TXLNA: variants seen among roughly 807,000 people sequenced by gnomAD.
TXLNA encodes taxilin alpha, also known as alpha-taxilin.
TXLNA carries 9 observed loss-of-function variants against 61.4 expected under a neutral mutation model. The ratio of observed to expected loss-of-function variants is 0.15; its 90% CI spans 0.09 to 0.26. TXLNA has a LOEUF of 0.26. Among genes scored for constraint, TXLNA ranks in the 10% least tolerant of loss-of-function variants. The pLI, the probability that TXLNA is intolerant of heterozygous loss-of-function variation, is 1.00. For synonymous variants in TXLNA, 257 were observed against 267.7 expected (o/e 0.96, Z 0.39); for missense variants, 565 against 688.8 (o/e 0.82, Z 2.01).
intron 4 of TXLNA, among the ~76,000 whole-genome samples, chr1:32,187,751 G>C (rs1055233220): frequency 2.6e-5 from 4 of 152,146 alleles, no homozygotes; most frequent in Admixed American, 6.5e-5. Context: ...CCATTTCTCT[G>C]TCCCTACGGT....
rs1197298077 is a variant in TXLNA, at chr1:32,192,216, G to T, written c.964-95G>T. 1.3e-5 allele frequency: 20 copies of T among 1,542,410 alleles called. No individual in the cohort carries two copies. Among genetic ancestry groups the T allele is most frequent in the South Asian group, 3.6e-5 (3 of 82,998 alleles). On this transcript the variant is annotated intron_variant, in intron 6 of 10. Transcript: ENST00000373610. The surrounding 1 kb of genome is among the most constrained non-coding windows in gnomAD (Gnocchi z 4.2). ...GAGTCCATCATATCAGATTGAGATG[G>T]GGGGCTGGGCAAAGTGCCCTGGTCT... is the stretch of plus-strand genomic sequence containing the variant.
Position 32,195,083 on chromosome 1 carries a change from C to T in TXLNA, c.1529C>T (p.Ala510Val). The T allele has an allele frequency of 6.2e-7, 1 of 1,614,126 alleles. No homozygotes were observed. The highest frequency in any genetic ancestry group is 8.5e-7 in the Non-Finnish European group (1 of 1,180,002). Residue 510 changes from alanine to valine, a missense_variant, in exon 11 of 11, where the codon GCT (alanine) becomes GTT (valine). Physicochemically the swap from Ala to Val is moderately conservative, Grantham distance 64. Transcript: ENST00000373610. Reference sequence around the variant, plus strand: ...GAGAGGAGGCCAGAGGGGCCTGGGGCTCAAGCACCCAGCTCCCCCAGGGTC... The same window carrying T: ...GAGAGGAGGCCAGAGGGGCCTGGGGTTCAAGCACCCAGCTCCCCCAGGGTC... ...GPERRPEGPGAQAPSSPRVTE... is the reference protein window; with the variant it reads ...GPERRPEGPGVQAPSSPRVTE...
intron 9 of TXLNA, 59 bp from the exon 10 acceptor site, chr1:32,194,006 G>C: frequency 7.0e-7 from 1 of 1,429,474 alleles, no homozygotes; most frequent in Non-Finnish European, 9.7e-7. Flanking sequence ...CCACCTTGGA[G>C]ACACAGACCT....
In TXLNA at chr1:32,195,648, A is replaced by T; in HGVS notation, c.*453A>T. On this transcript the variant is annotated 3_prime_UTR_variant, in exon 11 of 11. Coordinates refer to ENST00000373610, the MANE Select transcript of TXLNA (RefSeq NM_175852.4). ...TCTTGTGAGCAGGGCTTGCTTGGTC[A>T]GCTCAGGCCCTCCTAGCTGCTCTGG... The T allele has an allele frequency of 2.3e-6, 1 of 442,664 alleles. No homozygotes were observed. 27.4% of individuals were successfully genotyped at this position (442,664 alleles called of 1,614,324 possible). A position where few individuals can be genotyped will look rare whatever the true frequency, so the allele number is the denominator to read the frequency against.
At chr1:32,189,102 G>A (rs1242890667) in intron 5 of TXLNA, among the ~76,000 whole-genome samples, 3 of 151,604 alleles carry the variant, frequency 2.0e-5, no homozygotes, top group Non-Finnish European at 4.4e-5. Context: ...TCATTATATG[G>A]ATATATTATA....
rs1156866823 is a variant in TXLNA at position 32,198,247 on chromosome 1, G to A, written c.*3052G>A. The A allele has an allele frequency of 6.6e-6, 1 of 152,270 alleles. No homozygotes were observed. The highest frequency in any genetic ancestry group is 2.4e-5 in the African/African-American group (1 of 41,470). The allele number at this position is 152,270 out of a possible 1,614,324, so 9.4% of individuals were successfully genotyped here. ...CAACAGCCAGGGACTTGATTTTGATGTATTTTAAACCACATTAAATAAAGA... is the reference window on the plus strand; with the variant it reads ...CAACAGCCAGGGACTTGATTTTGATATATTTTAAACCACATTAAATAAAGA... On this transcript the variant is annotated 3_prime_UTR_variant, in exon 11 of 11. Coordinates refer to ENST00000373610, the MANE Select transcript of TXLNA (RefSeq NM_175852.4).
At chr1:32,185,219 A>G (rs1642754969) in intron 4 of TXLNA, among the ~76,000 whole-genome samples, 1 of 152,126 alleles carries the variant, frequency 6.6e-6, no homozygotes, top group African/African-American at 2.4e-5. Context: ...TTCCATCACA[A>G]TAAATGCAAA....
rs1643037469 is a variant in TXLNA at position 32,196,886 on chromosome 1, C to T, written c.*1691C>T. On this transcript the variant is annotated 3_prime_UTR_variant, in exon 11 of 11. Coordinates refer to ENST00000373610, the MANE Select transcript of TXLNA (RefSeq NM_175852.4). ...ATGGCAAATGAATGGCACACCATTT[C>T]TCCTTCTCCTGCCCCAGGGCAGGTA... 6.6e-6 allele frequency: 1 copy of T among 152,236 alleles called. No homozygotes were observed. Among genetic ancestry groups the T allele is most frequent in the Non-Finnish European group, 1.5e-5 (1 of 68,046 alleles). The allele number at this position is 152,236 out of a possible 1,614,324, so 9.4% of individuals were successfully genotyped here.
At chr1:32,193,887 A>G (rs780907436) in intron 9 of TXLNA, among the ~76,000 whole-genome samples, 178 bp from the exon 10 acceptor site, 1 of 151,962 alleles carries the variant, frequency 6.6e-6, no homozygotes, top group Non-Finnish European at 1.5e-5. Flanking sequence ...GGTGGTGGAC[A>G]CCTCTGACTT....
intron 9 of TXLNA, 69 bp downstream of exon 9, chr1:32,193,369 C>A: frequency 2.4e-6 from 3 of 1,232,112 alleles, no homozygotes; most frequent in Non-Finnish European, 1.2e-6. Context: ...GTTGGGCCTG[C>A]CTTCAGGAAG....
intron 3 of TXLNA, among the ~76,000 whole-genome samples, chr1:32,183,115 C>A (rs1487104726): frequency 2.0e-5 from 3 of 151,710 alleles, no homozygotes; most frequent in Non-Finnish European, 4.4e-5. Flanking sequence ...TGGAAAGTAT[C>A]ATCTTCTTCA....
At chr1:32,187,187 C>G (rs563826970) in intron 4 of TXLNA, among the ~76,000 whole-genome samples, 1 of 152,208 alleles carries the variant, frequency 6.6e-6, no homozygotes, top group Non-Finnish European at 1.5e-5. Flanking sequence ...CAGGCATGAG[C>G]CACCACTCCC....
chr1:32,190,551 A>G (rs1248323238), intron 6 of TXLNA, among the ~76,000 whole-genome samples: 1 of 152,214 alleles, frequency 6.6e-6, no homozygotes, highest in Non-Finnish European at 1.5e-5. Flanking sequence ...TGTGTGTTAT[A>G]TAGCACCCTC....
intron 3 of TXLNA, among the ~76,000 whole-genome samples, chr1:32,182,661 C>CAA (rs781479181): frequency 1.1e-4 from 10 of 88,456 alleles, no homozygotes; most frequent in African/African-American, 3.7e-4. Context: ...AACTCTGTCT[C>CAA]AAAAAAAAAA....
At chr1:32,183,437 T>TAA (rs1210040654) in intron 3 of TXLNA, among the ~76,000 whole-genome samples, 4 of 128,800 alleles carry the variant, frequency 3.1e-5, no homozygotes, top group African/African-American at 9.0e-5. Context: ...TTTTTTTTTT[T>TAA]TTTTTTTTGA....
At chr1:32,183,769 G>T (rs1044478367) in intron 3 of TXLNA, among the ~76,000 whole-genome samples, 1 of 142,490 alleles carries the variant, frequency 7.0e-6, no homozygotes, top group African/African-American at 2.6e-5. Context: ...ACAGAGTCTC[G>T]CTCTGTCACC....
chr1:32,193,946 T>C, intron 9 of TXLNA, 119 bp from the exon 10 acceptor site: 1 of 748,822 alleles, frequency 1.3e-6, no homozygotes, highest in Non-Finnish European at 2.2e-6. Context: ...CTGTAATGCC[T>C]TGCGCCTTGG....
chr1:32,192,240 C>G lies in TXLNA; in HGVS notation c.964-71C>G, dbSNP rs1186186574. ...GGGGGGCTGGGCAAAGTGCCCTGGT[C>G]TGTGGCTGTGGGGCTACCCTGAGAA... On this transcript the variant is annotated intron_variant, in intron 6 of 10. Coordinates refer to ENST00000373610, the MANE Select transcript of TXLNA (RefSeq NM_175852.4). The surrounding 1 kb of genome is among the most constrained non-coding windows in gnomAD (Gnocchi z 4.2). 1 of 1,588,664 alleles carries G rather than the reference C, an allele frequency of 6.3e-7. No homozygotes were observed. Among genetic ancestry groups the G allele is most frequent in the Non-Finnish European group, 8.6e-7 (1 of 1,163,692 alleles).
In TXLNA at chr1:32,192,290, C is replaced by T; in HGVS notation, c.964-21C>T. On this transcript the variant is annotated intron_variant, in intron 6 of 10. Transcript: ENST00000373610. The surrounding 1 kb of genome is among the most constrained non-coding windows in gnomAD (Gnocchi z 4.2). The stretch of plus-strand genomic sequence containing the variant: ...AAGGGAGCGCCTGACAAGCCGACTG[C>T]TCCCACCATCTTTGTTGCAGCATAT... The T allele has an allele frequency of 6.2e-7, 1 of 1,611,980 alleles. No individual in the cohort carries two copies. Among genetic ancestry groups the T allele is most frequent in the East Asian group, 2.2e-5 (1 of 44,800 alleles).
Sources: allele counts gnomAD v4.1 joint callset (sites outside exome capture counted in the v4.1 genomes callset), GRCh38; gene constraint gnomAD v4.1.1; non-coding constraint Gnocchi (gnomAD v3.1); transcripts MANE v1.5; gene names NCBI Gene and HGNC (gene_info 2026-07-23, HGNC 2026-07-21).